Variants in ZBTB40 observed in about 807,000 individuals in gnomAD.
ZBTB40 encodes zinc finger and BTB domain-containing protein 40.
In ZBTB40, 60 loss-of-function variants were observed where a neutral mutation model predicts 117.5. That is an observed-to-expected ratio of 0.51 (90% CI 0.41 to 0.63). The LOEUF is 0.63. ZBTB40 is among the 30% of genes least tolerant of loss of function. The pLI is 0.00. For missense variants in ZBTB40, 1,287 were observed against 1,498.5 expected (o/e 0.86, Z 2.33); for synonymous variants, 525 against 577.1 (o/e 0.91, Z 1.29).
intron 1 of ZBTB40, among the ~76,000 whole-genome samples, chr1:22,466,030 A>C (rs938675679): frequency 1.3e-5 from 2 of 151,966 alleles, no homozygotes; most frequent in African/African-American, 4.8e-5. Flanking sequence ...GTCACTCCCC[A>C]TTTACTCTTC....
intron 1 of ZBTB40, among the ~76,000 whole-genome samples, chr1:22,482,223 G>A (rs1029296796): frequency 2.6e-5 from 4 of 152,150 alleles, no homozygotes; most frequent in Non-Finnish European, 5.9e-5. Context: ...ATTCATGAAT[G>A]CCCAACAATA....
intron 9 of ZBTB40, among the ~76,000 whole-genome samples, chr1:22,510,501 T>A (rs1194847219): frequency 6.6e-6 from 1 of 152,208 alleles, no homozygotes; most frequent in Non-Finnish European, 1.5e-5. Context: ...AAATAAAATA[T>A]CTTCCAAAAT....
intron 1 of ZBTB40, among the ~76,000 whole-genome samples, chr1:22,453,124 A>G (rs1569760772): frequency 6.6e-6 from 1 of 152,090 alleles, no homozygotes; most frequent in African/African-American, 2.4e-5. Flanking sequence ...TTCTACCTGG[A>G]ATTGTTTGTT....
chr1:22,505,915 A>G (rs988186740), intron 5 of ZBTB40, 134 bp from the exon 6 acceptor site: 9 of 838,970 alleles, frequency 1.1e-5, no homozygotes, highest in Non-Finnish European at 1.8e-5. Flanking sequence ...AAAAAAAGTA[A>G]TGCTAGAGAC....
intron 1 of ZBTB40, among the ~76,000 whole-genome samples, chr1:22,479,946 G>A (rs567863721): frequency 1.1e-4 from 17 of 152,016 alleles, no homozygotes; most frequent in African/African-American, 2.2e-4. Context: ...TCACTCTGTC[G>A]CTGAGGCTGG....
chr1:22,513,207 T>C lies in ZBTB40; in HGVS notation c.2668+77T>C, dbSNP rs900021163. ...TAAACCCCATTTGGATTAGGTGTGA[T>C]ATATATCTCAAAAACAAAACAATTT... On this transcript the variant is annotated intron_variant, in intron 12 of 17. Coordinates refer to ENST00000375647, the MANE Select transcript of ZBTB40 (RefSeq NM_014870.4). The surrounding 1 kb of genome is among the most constrained non-coding windows in gnomAD (Gnocchi z 4.9). The C allele has an allele frequency of 2.7e-6, 4 of 1,503,190 alleles. No homozygotes were observed. In the African/African-American group the frequency reaches 5.5e-5, roughly 21 times the overall value. The allele number at this position is 1,503,190 out of a possible 1,614,324, so 93.1% of individuals were successfully genotyped here.
intron 1 of ZBTB40, among the ~76,000 whole-genome samples, chr1:22,473,226 C>T (rs1641454922): frequency 6.6e-6 from 1 of 152,214 alleles, no homozygotes; most frequent in African/African-American, 2.4e-5. Context: ...CCACCCAGAA[C>T]TTCTGAATCA....
chr1:22,467,782 T>G (rs1381566994), intron 1 of ZBTB40, among the ~76,000 whole-genome samples: 1 of 151,334 alleles, frequency 6.6e-6, no homozygotes, highest in Admixed American at 6.6e-5. Context: ...GCCTGTTTTT[T>G]TTTTTTTTTT....
At chr1:22,431,410 G>A (rs57242491) in intron 1 of ZBTB40, among the ~76,000 whole-genome samples, 1,266 of 99,078 alleles carry the variant, frequency 0.013, 15 homozygotes, top group African/African-American at 0.05. Flanking sequence ...ATATATATAT[G>A]TATATATAGT....
intron 1 of ZBTB40, among the ~76,000 whole-genome samples, chr1:22,482,904 C>T (rs1327771749): frequency 3.9e-5 from 6 of 151,998 alleles, no homozygotes; most frequent in Admixed American, 2.0e-4. Context: ...CAGTGAAACC[C>T]GGTCTCTACT....
intron 1 of ZBTB40, among the ~76,000 whole-genome samples, chr1:22,471,071 C>A (rs562258390): frequency 1.3e-5 from 2 of 152,370 alleles, no homozygotes; most frequent in Admixed American, 1.3e-4. Context: ...CCAACCTCCT[C>A]AAGTCCAGTT....
At chr1:22,499,932 T>C (rs1012509915) in intron 3 of ZBTB40, among the ~76,000 whole-genome samples, 4 of 152,192 alleles carry the variant, frequency 2.6e-5, no homozygotes, top group South Asian at 4.1e-4. Context: ...TTTAGTGTGG[T>C]GGGGAGACGT....
chr1:22,437,376 T>G (rs1640682652), intron 1 of ZBTB40, among the ~76,000 whole-genome samples: 1 of 152,042 alleles, frequency 6.6e-6, no homozygotes, highest in African/African-American at 2.4e-5. Flanking sequence ...CATACTTTTT[T>G]TTTTCGATTT....
intron 3 of ZBTB40, among the ~76,000 whole-genome samples, chr1:22,495,811 C>T (rs1171181904): frequency 6.6e-6 from 1 of 152,200 alleles, no homozygotes; most frequent in African/African-American, 2.4e-5. Context: ...CCACCGCACC[C>T]AGCCTTTTTT....
intron 1 of ZBTB40, among the ~76,000 whole-genome samples, chr1:22,429,266 C>T (rs968435552): frequency 1.3e-4 from 20 of 152,010 alleles, no homozygotes; most frequent in Non-Finnish European, 2.5e-4. Flanking sequence ...CCTGTAGTCC[C>T]AGCTACTCGG....
At chr1:22,519,098 A>C (rs149475057) in intron 13 of ZBTB40, among the ~76,000 whole-genome samples, 242 of 152,302 alleles carry the variant, frequency 1.6e-3, no homozygotes, top group African/African-American at 4.7e-3. Context: ...AGATTTCAAG[A>C]GCTCATGTCC....
intron 1 of ZBTB40, among the ~76,000 whole-genome samples, chr1:22,460,564 G>A (rs1472519926): frequency 1.3e-5 from 2 of 152,010 alleles, no homozygotes; most frequent in Non-Finnish European, 2.9e-5. Flanking sequence ...TATTACTGCC[G>A]TTTCTAAAAA....
intron 1 of ZBTB40, among the ~76,000 whole-genome samples, chr1:22,468,106 AAAG>A (rs929623902): frequency 1.3e-5 from 2 of 151,940 alleles, no homozygotes; most frequent in African/African-American, 4.8e-5. Context: ...AAAAAAAAGA[AAAG>A]AAGCTAATAC....
At chr1:22,521,771 G>A in intron 15 of ZBTB40, 113 bp downstream of exon 15, 2 of 1,486,656 alleles carry the variant, frequency 1.3e-6, no homozygotes, top group Non-Finnish European at 1.9e-6. Flanking sequence ...AGTGGTCATT[G>A]CCTTTGTTCT....
Sources: gnomAD v4.1 joint callset for allele counts (sites outside exome capture counted in the v4.1 genomes callset) on GRCh38, gnomAD v4.1.1 for gene constraint, Gnocchi (gnomAD v3.1) non-coding constraint, MANE v1.5 for transcripts, NCBI Gene and HGNC (gene_info 2026-07-23, HGNC 2026-07-21) for gene names.